Variants in AKAP3 observed in about 807,000 individuals in gnomAD.
The protein encoded by AKAP3 is A-kinase anchoring protein 3.
AKAP3 carries 27 observed loss-of-function variants against 57.2 expected under a neutral mutation model. The observed-to-expected ratio is 0.47, with a 90% confidence interval of 0.35 to 0.65. AKAP3 has a LOEUF of 0.65. AKAP3 is among the 30% of genes least tolerant of loss of function. The pLI is 0.01. For synonymous variants in AKAP3, 334 were observed against 392.3 expected (o/e 0.85, Z 1.76); for missense variants, 959 against 1,040.0 (o/e 0.92, Z 1.07).
At chr12:4,629,993 T>C (rs956080650) in intron 4 of AKAP3, among the ~76,000 whole-genome samples, 4 of 152,192 alleles carry the variant, frequency 2.6e-5, no homozygotes, top group Non-Finnish European at 4.4e-5. Context: ...TGTTTGTAAA[T>C]TGTACAATCT....
chr12:4,638,938 C>G (rs770125045), intron 3 of AKAP3, among the ~76,000 whole-genome samples: 23 of 152,196 alleles, frequency 1.5e-4, no homozygotes, highest in Non-Finnish European at 1.9e-4. Context: ...ACCTGGTCTT[C>G]TAAGCCAGAA....
intron 4 of AKAP3, among the ~76,000 whole-genome samples, chr12:4,637,363 C>A (rs1000605328): frequency 7.2e-5 from 11 of 152,332 alleles, no homozygotes; most frequent in African/African-American, 2.6e-4. Context: ...CAGCCACATT[C>A]TCTCCAAAGA....
chr12:4,615,809 C>A lies in AKAP3; in HGVS notation c.2492G>T (p.Arg831Leu). 6.2e-7 allele frequency: 1 copy of A among 1,614,208 alleles called. No individual in the cohort carries two copies. Among genetic ancestry groups the A allele is most frequent in the Non-Finnish European group, 8.5e-7 (1 of 1,180,044 alleles). The change falls in exon 6 of 6, where the codon CGC becomes CTC. Residue 831 changes from arginine (R) to leucine (L), a missense_variant. Transcript: ENST00000228850. ...ATTCCCCACCGCCTCATTCAGCTGG[C>A]GCTCCTTCTCATAGCGCAGCACCGA... ...LQSVLRYEKE[R>L]QLNEAVGNVT...
chr12:4,628,304 C>T lies in AKAP3; in HGVS notation c.598G>A (p.Asp200Asn). The T allele has an allele frequency of 6.2e-7, 1 of 1,614,158 alleles. No homozygotes were observed. Among genetic ancestry groups the T allele is most frequent in the Admixed American group, 1.7e-5 (1 of 60,026 alleles). ...AAPDKAPGSG[D>N]RVSGSSQSPP... ...CTTTGTGATGATCCCGAGACTCTGTCTCCAGAGCCAGGAGCCTTGTCTGGG... is the reference window on the plus strand; with the variant it reads ...CTTTGTGATGATCCCGAGACTCTGTTTCCAGAGCCAGGAGCCTTGTCTGGG... The change falls in exon 5 of 6, where the codon GAC becomes AAC. Residue 200 changes from aspartate to asparagine, a missense_variant. Transcript: ENST00000228850.
chr12:4,637,507 C>A (rs548507582), intron 4 of AKAP3, among the ~76,000 whole-genome samples: 2 of 152,204 alleles, frequency 1.3e-5, no homozygotes, highest in South Asian at 4.1e-4. Context: ...TTCCTAGAGT[C>A]CTCTTTTATG....
intron 4 of AKAP3, among the ~76,000 whole-genome samples, chr12:4,633,487 G>A (rs536604156): frequency 1.3e-5 from 2 of 152,028 alleles, no homozygotes; most frequent in African/African-American, 4.8e-5. Flanking sequence ...TCCAACTGTA[G>A]TGACTGAAAG....
Position 4,628,068 on chromosome 12 carries a change from C to T in AKAP3, c.834G>A (p.Thr278=), listed in dbSNP as rs749367824. ...TCATGATCCCTTCACTAACAGAAGC[C>T]GTAAAGTCATCAGGCCTTTCCTGCC... is the stretch of plus-strand genomic sequence containing the variant. ...FRGQERPDDF[T]ASVSEGIMTY... The change falls in exon 5 of 6, where the codon ACG becomes ACA. Residue 278 remains threonine, a synonymous_variant. Coordinates refer to ENST00000228850, the MANE Select transcript of AKAP3 (RefSeq NM_001278309.2). 1.4e-5 allele frequency: 23 copies of T among 1,613,964 alleles called. No individual in the cohort carries two copies. Among genetic ancestry groups the T allele is most frequent in the East Asian group, 4.5e-5 (2 of 44,892 alleles).
chr12:4,639,370 C>T (rs1156459394), intron 3 of AKAP3, among the ~76,000 whole-genome samples: 3 of 151,776 alleles, frequency 2.0e-5, no homozygotes, highest in Non-Finnish European at 4.4e-5. Flanking sequence ...GCTCGGTTGG[C>T]GTTAAAAAAT....
intron 4 of AKAP3, among the ~76,000 whole-genome samples, chr12:4,634,506 G>A (rs1222602454): frequency 1.3e-5 from 2 of 152,130 alleles, no homozygotes; most frequent in African/African-American, 4.8e-5. Flanking sequence ...AATTGCTAGT[G>A]CATTGACTAC....
intron 4 of AKAP3, chr12:4,635,795 T>A (rs1945558328): frequency 1.4e-6 from 1 of 700,382 alleles, no homozygotes; most frequent in Non-Finnish European, 2.6e-6. Context: ...TGTAGTGTCA[T>A]CAAGACACAC....
At chr12:4,645,928 A>G (rs1565561375) in intron 1 of AKAP3, 1 of 152,222 alleles carries the variant, frequency 6.6e-6, no homozygotes, top group Non-Finnish European at 1.5e-5. Context: ...AATGAGAAAT[A>G]AAAGAATTGA....
intron 5 of AKAP3, among the ~76,000 whole-genome samples, chr12:4,624,341 G>A (rs7314073): frequency 0.035 from 5,212 of 150,510 alleles, 307 homozygotes; most frequent in East Asian, 0.27. Context: ...GTGTGTGTGT[G>A]TGTGTGTGTG....
At chr12:4,639,983 A>AT (rs1426618462) in intron 3 of AKAP3, among the ~76,000 whole-genome samples, 1 of 151,846 alleles carries the variant, frequency 6.6e-6, no homozygotes, top group African/African-American at 2.4e-5. Context: ...CGCCCAGCTA[A>AT]TTTTTTGTAT....
chr12:4,628,476 C>T lies in AKAP3; in HGVS notation c.426G>A (p.Glu142=). The change falls in exon 5 of 6, where the codon GAG becomes GAA. Residue 142 remains glutamate, a synonymous_variant. Coordinates refer to ENST00000228850, the MANE Select transcript of AKAP3 (RefSeq NM_001278309.2). ...CAGAGCCATCGATCTTCTCATTGATCTCTTTGCGGGCCATGGCTATGACTA... is the reference window on the plus strand; with the variant it reads ...CAGAGCCATCGATCTTCTCATTGATTTCTTTGCGGGCCATGGCTATGACTA... ...TNLVIAMARK[E]INEKIDGSEN... 3 of 1,614,180 alleles carry T rather than the reference C, an allele frequency of 1.9e-6. No homozygotes were observed. In the South Asian group the frequency reaches 3.3e-5, roughly 18 times the overall value.
chr12:4,624,026 C>T (rs1284152338), intron 5 of AKAP3, among the ~76,000 whole-genome samples: 1 of 152,018 alleles, frequency 6.6e-6, no homozygotes. Flanking sequence ...TCTCAGTGAC[C>T]TTGAAGTTCC....
intron 5 of AKAP3, among the ~76,000 whole-genome samples, chr12:4,626,001 G>T (rs1214915353): frequency 1.3e-5 from 2 of 152,070 alleles, no homozygotes; most frequent in Admixed American, 6.6e-5. Flanking sequence ...AGGGTAGGGG[G>T]AAGAGGGGTG....
At position 4,628,208 on chromosome 12, in the gene AKAP3, C is replaced by A; in HGVS notation, c.694G>T (p.Asp232Tyr). ...ESTKERQGPD[D>Y]KPPSKKSFFY... is the part of the protein sequence containing the mutation. ...AAAGACTTCTTAGAAGGAGGCTTGT[C>A]ATCTGGACCCTGTCTTTCTTTGGTG... The change falls in exon 5 of 6, where the codon GAC (aspartate) becomes TAC (tyrosine). Residue 232 changes from aspartate to tyrosine, a missense_variant. Physicochemically the swap from Asp to Tyr is radical, Grantham distance 160 (BLOSUM62 -3). Coordinates refer to ENST00000228850, the MANE Select transcript of AKAP3 (RefSeq NM_001278309.2). The A allele has an allele frequency of 6.2e-7, 1 of 1,614,082 alleles. No homozygotes were observed. Among genetic ancestry groups the A allele is most frequent in the South Asian group, 1.1e-5 (1 of 91,048 alleles).
intron 4 of AKAP3, among the ~76,000 whole-genome samples, chr12:4,633,918 T>C (rs1258791921): frequency 2.0e-5 from 3 of 151,990 alleles, no homozygotes; most frequent in Non-Finnish European, 1.5e-5. Context: ...TCATGAACTG[T>C]TTTTCATTAG....
At chr12:4,638,063 A>G in intron 4 of AKAP3, 38 bp downstream of exon 4, 1 of 1,493,378 alleles carries the variant, frequency 6.7e-7, no homozygotes. Flanking sequence ...CAGCCCCCAT[A>G]TTCTTAACCT....
Sources: allele counts gnomAD v4.1 joint callset (sites outside exome capture counted in the v4.1 genomes callset), GRCh38; gene constraint gnomAD v4.1.1; transcripts MANE v1.5; gene names NCBI Gene and HGNC (gene_info 2026-07-23, HGNC 2026-07-21).